STPG2: variants seen among roughly 807,000 people sequenced by gnomAD.
STPG2 encodes the protein sperm tail PG-rich repeat containing 2.
In STPG2, 56 loss-of-function variants were observed where a neutral mutation model predicts 54.2. That is an observed-to-expected ratio of 1.03 (90% CI 0.83 to 1.29). STPG2 has a LOEUF of 1.29. Ranked by LOEUF, STPG2 falls within the 50% of genes most tolerant of loss-of-function variation. STPG2 has a pLI of 0.00. For synonymous variants in STPG2, 200 were observed against 181.8 expected (o/e 1.10, Z -0.81); for missense variants, 596 against 544.9 (o/e 1.09, Z -0.93).
chr4:97,583,491 T>C (rs967067496), intron 10 of STPG2, among the ~76,000 whole-genome samples: 4 of 152,000 alleles, frequency 2.6e-5, no homozygotes, highest in African/African-American at 9.7e-5. Context: ...GAGTTCCTGC[T>C]ATTTTCACAT....
At chr4:97,554,523 C>T (rs1732036129), downstream of STPG2, among the ~76,000 whole-genome samples, 1 of 152,114 alleles carries the variant, frequency 6.6e-6, no homozygotes, top group Non-Finnish European at 1.5e-5. Context: ...TTGCAGGAGC[C>T]TTTCCATTAG....
At chr4:97,869,654 T>G (rs114388800) in intron 8 of STPG2, among the ~76,000 whole-genome samples, 1 of 151,670 alleles carries the variant, frequency 6.6e-6, no homozygotes, top group Non-Finnish European at 1.5e-5. Context: ...GCCAAGCTAC[T>G]ATAGTCAACC....
intron 5 of STPG2, among the ~76,000 whole-genome samples, chr4:98,043,992 T>C (rs574612440): frequency 1.2e-4 from 19 of 152,170 alleles, no homozygotes; most frequent in African/African-American, 4.6e-4. Flanking sequence ...TCTCATCACT[T>C]AGCTCCCACT....
intron 9 of STPG2, among the ~76,000 whole-genome samples, chr4:97,742,563 G>GTATATA (rs1400378092): frequency 2.5e-5 from 3 of 119,270 alleles, no homozygotes; most frequent in Admixed American, 1.6e-4. Flanking sequence ...GTGTGTGTGT[G>GTATATA]TGTCTATATA....
chr4:97,586,515 A>G (rs1170294630), intron 10 of STPG2, among the ~76,000 whole-genome samples: 1 of 152,022 alleles, frequency 6.6e-6, no homozygotes, highest in Non-Finnish European at 1.5e-5. Context: ...AAATTACTGC[A>G]AGTCAAATCT....
In STPG2 at chr4:97,955,652, G is replaced by A. The variant is rs370145209; in HGVS notation, c.934-11645C>T. 5.9e-5 allele frequency among the ~76,000 whole-genome samples: 9 copies of A among 152,160 alleles called. 1 individual carries two copies. Among genetic ancestry groups the A allele is most frequent in the Admixed American group, 5.2e-4 (8 of 15,288 alleles). The stretch of plus-strand genomic sequence containing the variant: ...TAATAGCCAAGAATTATTTAAAACC[G>A]ATAAAGGACATAAACCCACAGATTC... On this transcript the variant is annotated intron_variant, in intron 7 of 10. Transcript: ENST00000295268.
chr4:97,656,439 T>C (rs1426429628), intron 10 of STPG2, among the ~76,000 whole-genome samples: 1 of 152,022 alleles, frequency 6.6e-6, no homozygotes, highest in Non-Finnish European at 1.5e-5. Flanking sequence ...AGAAAAGACA[T>C]ATTAATTCCC....
At chr4:97,869,571 GC>G (rs1420581487) in intron 8 of STPG2, among the ~76,000 whole-genome samples, 3 of 151,596 alleles carry the variant, frequency 2.0e-5, no homozygotes, top group Non-Finnish European at 4.4e-5. Flanking sequence ...CCCTTGATTA[GC>G]AGGGTTCAGC....
chr4:98,045,412 C>G (rs758907504), intron 5 of STPG2, among the ~76,000 whole-genome samples: 18 of 152,162 alleles, frequency 1.2e-4, no homozygotes, highest in Admixed American at 3.9e-4. Flanking sequence ...TGATTTCTAT[C>G]CATTTCCTGA....
intron 5 of STPG2, among the ~76,000 whole-genome samples, chr4:97,990,998 T>C (rs183524996): frequency 2.4e-3 from 364 of 152,230 alleles, no homozygotes; most frequent in African/African-American, 8.5e-3. Context: ...TTTCTGAGAT[T>C]TTGGAGCACC....
chr4:97,696,124 G>C (rs1020574101), intron 10 of STPG2, among the ~76,000 whole-genome samples: 1 of 152,054 alleles, frequency 6.6e-6, no homozygotes, highest in African/African-American at 2.4e-5. Context: ...TATACTATAA[G>C]GCCATAGTCA....
intron 10 of STPG2, among the ~76,000 whole-genome samples, chr4:97,643,895 G>A (rs1044054379): frequency 6.6e-5 from 10 of 151,746 alleles, no homozygotes; most frequent in African/African-American, 2.4e-4. Flanking sequence ...TACAAACTGG[G>A]CCTTACAAAC....
At chr4:97,843,175 G>GTT (rs1297628839) in intron 8 of STPG2, among the ~76,000 whole-genome samples, 1 of 147,876 alleles carries the variant, frequency 6.8e-6, no homozygotes, top group African/African-American at 2.5e-5. Context: ...TTTTTTGGTG[G>GTT]TTTTTTTTTT....
At chr4:97,599,833 A>AGAAAAG (rs1553941566) in intron 10 of STPG2, among the ~76,000 whole-genome samples, 2 of 147,168 alleles carry the variant, frequency 1.4e-5, no homozygotes, top group African/African-American at 5.4e-5. Flanking sequence ...CAAAAAAAAA[A>AGAAAAG]AAAAGAAAAG....
At chr4:98,004,038 C>T (rs1735499065) in intron 5 of STPG2, among the ~76,000 whole-genome samples, 1 of 119,524 alleles carries the variant, frequency 8.4e-6, no homozygotes, top group African/African-American at 2.7e-5. Flanking sequence ...CAATTAAGAG[C>T]TACTCTTTTA....
At chr4:97,864,251 C>G (rs1729674379) in intron 8 of STPG2, among the ~76,000 whole-genome samples, 2 of 152,174 alleles carry the variant, frequency 1.3e-5, no homozygotes, top group Admixed American at 1.3e-4. Flanking sequence ...TCAGCAAAGT[C>G]TCAGGATACA....
At chr4:97,460,620 A>G (rs747456827) in intron 4 of STPG2, among the ~76,000 whole-genome samples, 5 of 152,310 alleles carry the variant, frequency 3.3e-5, no homozygotes, top group Non-Finnish European at 7.4e-5. Flanking sequence ...TATTAAAAGC[A>G]TAACATACAT....
chr4:97,879,874 T>C (rs942640182), intron 8 of STPG2, among the ~76,000 whole-genome samples: 18 of 152,172 alleles, frequency 1.2e-4, no homozygotes, highest in Non-Finnish European at 2.9e-5. Flanking sequence ...ACAGCCATTA[T>C]GAAAAAATAA....
chr4:97,896,456 G>A (rs1057388797), intron 8 of STPG2, among the ~76,000 whole-genome samples: 1 of 151,716 alleles, frequency 6.6e-6, no homozygotes, highest in African/African-American at 2.4e-5. Context: ...AGTTGCTGCA[G>A]ATGTTTAATT....
Sources: allele counts gnomAD v4.1 joint callset (sites outside exome capture counted in the v4.1 genomes callset), GRCh38; gene constraint gnomAD v4.1.1; transcripts MANE v1.5; gene names NCBI Gene and HGNC (gene_info 2026-07-23, HGNC 2026-07-21).